CSMD3: variants seen among roughly 807,000 people sequenced by gnomAD.
CSMD3 encodes CUB and sushi domain-containing protein 3.
A neutral mutation model predicts 435.2 loss-of-function variants in CSMD3; 177 were observed. That is an observed-to-expected ratio of 0.41 (90% confidence interval 0.36 to 0.46). The LOEUF is 0.46. Ranked by LOEUF, CSMD3 falls within the 20% of genes least tolerant of loss-of-function variation. The pLI is 0.34. For synonymous variants in CSMD3, 1,656 were observed against 1,520.5 expected, an observed-to-expected ratio of 1.09 and a Z score of -2.07; for missense variants, 4,265 against 4,504.6, an observed-to-expected ratio of 0.95 and a Z score of 1.52.
intron 3 of CSMD3, among the ~76,000 whole-genome samples, chr8:113,181,595 G>T (rs888894570): frequency 6.6e-6 from 1 of 151,958 alleles, no homozygotes; most frequent in Admixed American, 6.6e-5. Flanking sequence ...TTACAAAAAC[G>T]ATATTATATT....
rs188177160 is a variant in CSMD3, at chr8:113,034,457, A to G, written c.918-15278T>C. ...TCATACATTATATGATTCTATTTAT[A>G]TAGAACAATCAGAATAGGCAACAAT... On this transcript the variant is annotated intron_variant, in intron 5 of 70. Transcript: ENST00000297405. Among the ~76,000 whole-genome samples, 2 of 145,966 alleles carry G rather than the reference A, an allele frequency of 1.4e-5. 1 individual carries two copies. The highest frequency in any genetic ancestry group is 1.3e-4 in the Admixed American group (2 of 14,888).
chr8:112,379,379 G>C (rs1029398543), intron 38 of CSMD3, among the ~76,000 whole-genome samples: 1 of 152,146 alleles, frequency 6.6e-6, no homozygotes, highest in Non-Finnish European at 1.5e-5. Flanking sequence ...TGAGGCAAAA[G>C]AATCGCTTGA....
intron 11 of CSMD3, among the ~76,000 whole-genome samples, chr8:112,838,647 A>G (rs571736055): frequency 2.0e-5 from 3 of 151,926 alleles, no homozygotes; most frequent in African/African-American, 7.2e-5. Flanking sequence ...GTCTTATCAA[A>G]TGTTATTGCT....
At chr8:112,510,468 C>G (rs541731424) in intron 28 of CSMD3, among the ~76,000 whole-genome samples, 2 of 152,140 alleles carry the variant, frequency 1.3e-5, no homozygotes, top group African/African-American at 4.8e-5. Context: ...ATGCCTGTTT[C>G]CCTTCTACAT....
At chr8:112,350,909 T>C (rs1257599027) in intron 40 of CSMD3, among the ~76,000 whole-genome samples, 1 of 152,068 alleles carries the variant, frequency 6.6e-6, no homozygotes, top group Non-Finnish European at 1.5e-5. Context: ...TTTAAGTCTT[T>C]TCTTAATTTC....
chr8:113,342,027 T>C (rs1263629954), intron 1 of CSMD3, among the ~76,000 whole-genome samples: 1 of 151,702 alleles, frequency 6.6e-6, no homozygotes, highest in Non-Finnish European at 1.5e-5. Context: ...AATAAGGAAA[T>C]TACCAAACTC....
At chr8:112,778,458 T>A (rs913043849) in intron 13 of CSMD3, among the ~76,000 whole-genome samples, 1 of 151,972 alleles carries the variant, frequency 6.6e-6, no homozygotes, top group Non-Finnish European at 1.5e-5. Context: ...TGAAATCATA[T>A]AGTATGTAGA....
At chr8:113,158,091 T>A (rs1049704397) in intron 4 of CSMD3, among the ~76,000 whole-genome samples, 1 of 150,496 alleles carries the variant, frequency 6.6e-6, no homozygotes, top group African/African-American at 2.4e-5. Flanking sequence ...TAGAAAAAAA[T>A]ATACATTGCT....
At chr8:112,518,629 TGAGAGA>T (rs3080191) in intron 27 of CSMD3, among the ~76,000 whole-genome samples, 5 of 124,116 alleles carry the variant, frequency 4.0e-5, no homozygotes, top group African/African-American at 5.8e-5. Flanking sequence ...TGTGTGTGTG[TGAGAGA>T]GAGAGAGAGA....
chr8:112,284,972 T>C (rs1355189187), intron 58 of CSMD3, among the ~76,000 whole-genome samples: 1 of 152,172 alleles, frequency 6.6e-6, no homozygotes, highest in East Asian at 1.9e-4. Context: ...TTTTTATTAG[T>C]AGTTCTGTTG....
chr8:113,425,540 A>T (rs1348322005), intron 1 of CSMD3, among the ~76,000 whole-genome samples: 1 of 151,388 alleles, frequency 6.6e-6, no homozygotes, highest in Non-Finnish European at 1.5e-5. Context: ...ATATATAAAA[A>T]ATAAGGTCAA....
chr8:113,393,228 G>A (rs922694106), intron 1 of CSMD3, among the ~76,000 whole-genome samples: 14 of 151,908 alleles, frequency 9.2e-5, no homozygotes, highest in East Asian at 3.9e-4. Flanking sequence ...AGATACTGTG[G>A]ATAATTTGAA....
intron 12 of CSMD3, among the ~76,000 whole-genome samples, chr8:112,828,533 G>A (rs1239356122): frequency 2.0e-5 from 3 of 151,756 alleles, no homozygotes; most frequent in African/African-American, 7.3e-5. Context: ...CTTTGCTTTC[G>A]GCCACCATTG....
intron 9 of CSMD3, among the ~76,000 whole-genome samples, chr8:112,939,322 G>A (rs1371426067): frequency 6.6e-6 from 1 of 152,002 alleles, no homozygotes; most frequent in Admixed American, 6.6e-5. Context: ...TTGGGAAAAC[G>A]ACAGGAAAAT....
intron 11 of CSMD3, among the ~76,000 whole-genome samples, chr8:112,856,289 C>G (rs2080656475): frequency 6.6e-6 from 1 of 151,778 alleles, no homozygotes; most frequent in Non-Finnish European, 1.5e-5. Context: ...ATTTTATTTT[C>G]TGTGAACTTA....
chr8:113,070,395 C>G (rs375185891), intron 5 of CSMD3, among the ~76,000 whole-genome samples: 109 of 152,066 alleles, frequency 7.2e-4, no homozygotes, highest in African/African-American at 2.5e-3. Context: ...TCAATAGTGT[C>G]TGCCATAATC....
intron 17 of CSMD3, among the ~76,000 whole-genome samples, chr8:112,661,863 C>G (rs1190138972): frequency 1.3e-5 from 2 of 151,932 alleles, no homozygotes; most frequent in African/African-American, 4.8e-5. Flanking sequence ...AAGGCAAGAT[C>G]CATTCCTACT....
At chr8:112,750,985 C>T (rs1227766394) in intron 13 of CSMD3, among the ~76,000 whole-genome samples, 1 of 151,500 alleles carries the variant, frequency 6.6e-6, no homozygotes, top group Non-Finnish European at 1.5e-5. Flanking sequence ...GACTGCAGGA[C>T]TTAAGTATGC....
chr8:113,063,401 ATAC>A (rs1192605594), intron 5 of CSMD3, among the ~76,000 whole-genome samples: 5 of 151,982 alleles, frequency 3.3e-5, no homozygotes, highest in Non-Finnish European at 5.9e-5. Context: ...TTTAAAACAG[ATAC>A]TACATTTTAT....
Sources: gnomAD v4.1 joint callset for allele counts (sites outside exome capture counted in the v4.1 genomes callset) on GRCh38, gnomAD v4.1.1 for gene constraint, MANE v1.5 for transcripts, NCBI Gene and HGNC (gene_info 2026-07-23, HGNC 2026-07-21) for gene names.